Variants in CFAP95 observed in about 807,000 individuals in gnomAD.
The protein encoded by CFAP95 is cilia- and flagella-associated protein 95.
the CFAP95 span, among the ~76,000 whole-genome samples, chr9:69,868,870 T>C: frequency 6.6e-3 from 978 of 148,514 alleles, 11 homozygotes; most frequent in African/African-American, 0.023. Context: ...AAAGAAGACA[T>C]ACAAATGGCC....
chr9:69,894,904 A>C, the CFAP95 span, among the ~76,000 whole-genome samples: 3 of 152,074 alleles, frequency 2.0e-5, no homozygotes, highest in Non-Finnish European at 4.4e-5. Context: ...TCTACTAAAC[A>C]TACAAAAGAT....
chr9:69,888,228 C>T, the CFAP95 span, among the ~76,000 whole-genome samples: 1 of 152,044 alleles, frequency 6.6e-6, no homozygotes, highest in Non-Finnish European at 1.5e-5. Flanking sequence ...GAAAAGGTAG[C>T]ATAACCGATT....
At chr9:69,822,630 CA>C in the CFAP95 span, among the ~76,000 whole-genome samples, 1 of 152,152 alleles carries the variant, frequency 6.6e-6, no homozygotes, top group African/African-American at 2.4e-5. Context: ...AGACTTTTTG[CA>C]AAGGGACAGT....
At chr9:69,899,019 T>G in the CFAP95 span, among the ~76,000 whole-genome samples, 1 of 152,228 alleles carries the variant, frequency 6.6e-6, no homozygotes, top group African/African-American at 2.4e-5. Context: ...TCCTGTGAAA[T>G]GACTCTTTCA....
At chr9:69,883,837 A>T in the CFAP95 span, among the ~76,000 whole-genome samples, 1 of 470 alleles carries the variant, frequency 2.1e-3, no homozygotes, top group African/African-American at 2.2e-3. Context: ...AAAAACAATT[A>T]AAAAAAAATC....
chr9:69,832,291 G>A, the CFAP95 span, among the ~76,000 whole-genome samples: 1 of 152,064 alleles, frequency 6.6e-6, no homozygotes, highest in African/African-American at 2.4e-5. Flanking sequence ...GAAAAATTTA[G>A]TCTGGAAAGA....
chr9:69,850,403 A>G, the CFAP95 span, among the ~76,000 whole-genome samples: 4 of 152,244 alleles, frequency 2.6e-5, no homozygotes, highest in Non-Finnish European at 5.9e-5. Context: ...GTACAAAAGT[A>G]TATTAGCATT....
At chr9:69,892,532 C>T in the CFAP95 span, among the ~76,000 whole-genome samples, 16 of 152,316 alleles carry the variant, frequency 1.1e-4, no homozygotes, top group East Asian at 5.8e-4. Context: ...CCTAATGATA[C>T]GGACAGCAGG....
chr9:69,833,427 C>T, the CFAP95 span, among the ~76,000 whole-genome samples: 6 of 152,192 alleles, frequency 3.9e-5, no homozygotes, highest in African/African-American at 1.4e-4. Context: ...GTCTCAAACT[C>T]CTGACCTCAA....
the CFAP95 span, among the ~76,000 whole-genome samples, chr9:69,895,365 C>CTGTGTGTGTG: frequency 8.6e-3 from 929 of 107,968 alleles, 20 homozygotes; most frequent in East Asian, 0.12. Flanking sequence ...CTCTCTCTCT[C>CTGTGTGTGTG]TCTCTGTGTG....
chr9:69,905,626 A>G, the CFAP95 span, among the ~76,000 whole-genome samples: 2 of 148,226 alleles, frequency 1.3e-5, no homozygotes, highest in Admixed American at 6.6e-5. Flanking sequence ...TAATTAAATT[A>G]TAATTGTTTT....
At chr9:69,828,460 C>T in the CFAP95 span, among the ~76,000 whole-genome samples, 13 of 152,184 alleles carry the variant, frequency 8.5e-5, no homozygotes, top group South Asian at 4.1e-4. Flanking sequence ...GTGAGGGGAT[C>T]GCTTGAGCCA....
At chr9:69,896,990 C>T in the CFAP95 span, among the ~76,000 whole-genome samples, 5 of 152,072 alleles carry the variant, frequency 3.3e-5, no homozygotes, top group East Asian at 3.9e-4. Context: ...CCCATTGGTC[C>T]CCAGGGCAGA....
chr9:69,866,373 G>T, the CFAP95 span, among the ~76,000 whole-genome samples: 2 of 152,190 alleles, frequency 1.3e-5, no homozygotes, highest in Admixed American at 6.5e-5. Flanking sequence ...GGAGGGCCAG[G>T]GAAGATGATG....
At chr9:69,838,008 T>C in the CFAP95 span, among the ~76,000 whole-genome samples, 1 of 152,234 alleles carries the variant, frequency 6.6e-6, no homozygotes, top group Non-Finnish European at 1.5e-5. Flanking sequence ...CCATTGCTTG[T>C]TTTTCTCAGG....
At chr9:69,844,449 TA>T in the CFAP95 span, 1 of 954,762 alleles carries the variant, frequency 1.0e-6, no homozygotes, top group Non-Finnish European at 1.5e-6. Context: ...GGATAATTTT[TA>T]AAAATCTGAA....
the CFAP95 span, among the ~76,000 whole-genome samples, chr9:69,837,366 G>A: frequency 6.4e-4 from 97 of 151,466 alleles, no homozygotes; most frequent in African/African-American, 7.8e-4. Context: ...AAGTGTTCCT[G>A]TTTCTCCACA....
At chr9:69,894,336 C>T in the CFAP95 span, among the ~76,000 whole-genome samples, 3 of 152,102 alleles carry the variant, frequency 2.0e-5, no homozygotes, top group Admixed American at 1.3e-4. Flanking sequence ...CATGGACTAC[C>T]GAGTTGATTG....
At chr9:69,834,605 C>T in the CFAP95 span, among the ~76,000 whole-genome samples, 12 of 152,152 alleles carry the variant, frequency 7.9e-5, no homozygotes, top group African/African-American at 2.4e-4. Context: ...TTGATTCCTT[C>T]CAATATTTTC....
Sources: allele counts gnomAD v4.1 joint callset (sites outside exome capture counted in the v4.1 genomes callset), GRCh38; gene constraint gnomAD v4.1.1; transcripts MANE v1.5; gene names NCBI Gene and HGNC (gene_info 2026-07-23, HGNC 2026-07-21).